SLIT3: variants seen among roughly 807,000 people sequenced by gnomAD.
The protein encoded by SLIT3 is slit guidance ligand 3.
A neutral mutation model predicts 184.0 loss-of-function variants in SLIT3; 68 were observed. That is an observed-to-expected ratio of 0.37 (90% confidence interval 0.30 to 0.45). The LOEUF (loss-of-function observed/expected upper bound fraction) is 0.45, where lower values mean the gene tolerates loss of function less well. SLIT3 is among the 20% of genes least tolerant of loss of function. The pLI, the probability that SLIT3 is intolerant of heterozygous loss-of-function variation, is 1.00. For synonymous variants in SLIT3, 831 were observed against 828.6 expected (o/e 1.00, Z -0.05); for missense variants, 1,707 against 2,026.0 (o/e 0.84, Z 3.02).
intron 4 of SLIT3, among the ~76,000 whole-genome samples, chr5:168,985,427 G>A (rs1238122927): frequency 6.6e-6 from 1 of 152,164 alleles, no homozygotes; most frequent in African/African-American, 2.4e-5. Context: ...TCCGGCAAGG[G>A]GAGTCTGTGT....
intron 4 of SLIT3, among the ~76,000 whole-genome samples, chr5:168,973,573 T>C (rs1208767478): frequency 6.6e-6 from 1 of 152,188 alleles, no homozygotes; most frequent in Admixed American, 6.5e-5. Flanking sequence ...AACTGCCTTA[T>C]TGAGATAAAA....
chr5:168,781,930 C>A (rs556803802), intron 12 of SLIT3, among the ~76,000 whole-genome samples: 7 of 152,282 alleles, frequency 4.6e-5, no homozygotes, highest in Admixed American at 4.6e-4. Context: ...CTTTCCACAA[C>A]ACCTTCCTCT....
intron 8 of SLIT3, among the ~76,000 whole-genome samples, chr5:168,815,246 T>C (rs1561947701): frequency 6.6e-6 from 1 of 152,164 alleles, no homozygotes. Context: ...GAGTGAGGCA[T>C]TCAGATTTAA....
chr5:168,857,613 T>A (rs1314729091), intron 5 of SLIT3, among the ~76,000 whole-genome samples: 1 of 152,196 alleles, frequency 6.6e-6, no homozygotes, highest in African/African-American at 2.4e-5. Flanking sequence ...CCCTGAGTCC[T>A]CACATGAAGT....
At chr5:168,866,029 A>G (rs1759287024) in intron 5 of SLIT3, among the ~76,000 whole-genome samples, 1 of 152,152 alleles carries the variant, frequency 6.6e-6, no homozygotes. Flanking sequence ...ACCCAATTTG[A>G]GGAAGCTCTG....
intron 1 of SLIT3, among the ~76,000 whole-genome samples, chr5:169,291,720 T>A: frequency 6.6e-6 from 1 of 152,228 alleles, no homozygotes; most frequent in East Asian, 1.9e-4. Context: ...TTCTAGTTGT[T>A]ACTTGAGAAT....
intron 3 of SLIT3, among the ~76,000 whole-genome samples, chr5:169,211,471 G>A (rs1007950636): frequency 6.6e-6 from 1 of 152,054 alleles, no homozygotes; most frequent in Non-Finnish European, 1.5e-5. Context: ...TACATGATCT[G>A]TCCATCTCCC....
At chr5:168,762,925 A>G (rs975162964) in intron 14 of SLIT3, among the ~76,000 whole-genome samples, 1 of 152,084 alleles carries the variant, frequency 6.6e-6, no homozygotes, top group African/African-American at 2.4e-5. Flanking sequence ...CCTCAGGAAG[A>G]CCAGACTCAA....
At chr5:168,785,699 G>T (rs1756128067) in intron 12 of SLIT3, among the ~76,000 whole-genome samples, 1 of 152,198 alleles carries the variant, frequency 6.6e-6, no homozygotes, top group African/African-American at 2.4e-5. Flanking sequence ...TTGGGTTTAT[G>T]CACACTGACC....
At chr5:169,227,821 T>G (rs1048167756) in intron 3 of SLIT3, among the ~76,000 whole-genome samples, 9 of 152,234 alleles carry the variant, frequency 5.9e-5, no homozygotes, top group Non-Finnish European at 8.8e-5. Flanking sequence ...ATGAAGGCAC[T>G]TGCCTAAATC....
intron 4 of SLIT3, among the ~76,000 whole-genome samples, chr5:168,911,604 A>C (rs1302907249): frequency 6.6e-6 from 1 of 152,222 alleles, no homozygotes; most frequent in African/African-American, 2.4e-5. Context: ...TCATTTAGCC[A>C]TCCTTCAGTT....
At chr5:168,762,090 C>G (rs758042979) in intron 15 of SLIT3, among the ~76,000 whole-genome samples, 16 of 148,300 alleles carry the variant, frequency 1.1e-4, no homozygotes, top group Non-Finnish European at 2.1e-4. Flanking sequence ...TTTTTTAGCT[C>G]TTTTTTTTTT....
intron 4 of SLIT3, among the ~76,000 whole-genome samples, chr5:168,896,752 C>T (rs1760677976): frequency 6.6e-6 from 1 of 152,160 alleles, no homozygotes; most frequent in Non-Finnish European, 1.5e-5. Flanking sequence ...CAGGAGACTC[C>T]CACAAAGAGA....
Position 169,300,676 on chromosome 5 carries a change from C to A in SLIT3, c.34G>T (p.Val12Leu). ...AAGGCCAGCGCCAGGCGGGCGCGCA[C>A]GGCGGCGCCGACCCCTGCCCACCCG... The part of the protein sequence containing the change: ...APGWAGVGAA[V>L]RARLALALAL... The change falls in exon 1 of 36, where the codon GTG becomes TTG. Residue 12 changes from valine (V) to leucine (L), a missense_variant. Around this residue, in one of 3 missense-constraint regions of SLIT3, gnomAD observed 1,307 missense variants for 1,511.6 expected, o/e 0.86. Transcript: ENST00000519560. The surrounding 1 kb of genome is among the most constrained non-coding windows in gnomAD (Gnocchi z 4.1). 7.2e-7 allele frequency: 1 copy of A among 1,396,586 alleles called. No individual in the cohort carries two copies. Among genetic ancestry groups the A allele is most frequent in the Non-Finnish European group, 9.2e-7 (1 of 1,084,096 alleles). 86.5% of individuals were successfully genotyped at this position (1,396,586 alleles called of 1,614,324 possible). A position where few individuals can be genotyped will look rare whatever the true frequency, so the allele number is the denominator to read the frequency against.
chr5:168,798,158 C>T (rs1561938734), intron 9 of SLIT3, among the ~76,000 whole-genome samples: 2 of 151,818 alleles, frequency 1.3e-5, no homozygotes, highest in African/African-American at 4.8e-5. Flanking sequence ...AGAGATCTTG[C>T]TCTGCATCCT....
At chr5:169,107,609 C>T (rs569837529) in intron 4 of SLIT3, among the ~76,000 whole-genome samples, 1 of 152,326 alleles carries the variant, frequency 6.6e-6, no homozygotes, top group East Asian at 1.9e-4. Context: ...ATGGGAGGCC[C>T]CGGCCATGCT....
At chr5:169,004,968 G>C (rs1027525087) in intron 4 of SLIT3, among the ~76,000 whole-genome samples, 1 of 152,180 alleles carries the variant, frequency 6.6e-6, no homozygotes, top group African/African-American at 2.4e-5. Context: ...ACAGGCGCAC[G>C]TTGTTTTATT....
intron 4 of SLIT3, among the ~76,000 whole-genome samples, chr5:169,171,372 G>T (rs10462895): frequency 0.029 from 4,453 of 152,322 alleles, 87 homozygotes; most frequent in South Asian, 0.095. Context: ...CAGGGAGAAT[G>T]GTCTTGAGCA....
At chr5:169,164,030 G>A (rs538333546) in intron 4 of SLIT3, among the ~76,000 whole-genome samples, 1 of 152,296 alleles carries the variant, frequency 6.6e-6, no homozygotes, top group East Asian at 1.9e-4. Flanking sequence ...AGCTATGACA[G>A]ACTCCAACCC....
Sources: gnomAD v4.1 joint callset for allele counts (sites outside exome capture counted in the v4.1 genomes callset) on GRCh38, gnomAD v4.1.1 for gene constraint, gnomAD v4.1.1 regional missense constraint, Gnocchi (gnomAD v3.1) non-coding constraint, MANE v1.5 for transcripts, NCBI Gene and HGNC (gene_info 2026-07-23, HGNC 2026-07-21) for gene names.